The following LINGO2 variants were observed in gnomAD, a reference collection of about 807,000 sequenced individuals.
LINGO2 encodes the protein leucine-rich repeat and immunoglobulin-like domain-containing nogo receptor-interacting protein 2.
In LINGO2, 14 loss-of-function variants were observed where a neutral mutation model predicts 30.6. The observed-to-expected ratio is 0.46, with a 90% confidence interval of 0.30 to 0.72. LINGO2 has a LOEUF of 0.72. LINGO2 is among the 30% of genes least tolerant of loss of function. The pLI is 0.07. For missense variants in LINGO2, 729 were observed against 751.7 expected, an observed-to-expected ratio of 0.97 and a Z score of 0.35; for synonymous variants, 317 against 288.5, an observed-to-expected ratio of 1.10 and a Z score of -1.00.
chr9:28,093,021 T>C (rs1478378948), intron 4 of LINGO2, among the ~76,000 whole-genome samples: 1 of 152,046 alleles, frequency 6.6e-6, no homozygotes, highest in Non-Finnish European at 1.5e-5. Context: ...GTTACTTGTA[T>C]AGGGTCACAC....
Position 28,037,216 on chromosome 9 carries a change from C to T in LINGO2, c.-86-24811G>A, listed in dbSNP as rs573054357. Among the ~76,000 whole-genome samples, 29 of 152,278 alleles carry T rather than the reference C, an allele frequency of 1.9e-4. No individual in the cohort carries two copies. In the South Asian group the frequency reaches 2.9e-3, roughly 15 times the overall value. On this transcript the variant is annotated intron_variant, in intron 4 of 5. Transcript: ENST00000379992. ...TACGGAGACAACTCTGAATTGAACG[C>T]CTAGTTATACAAACAGTAGTTATGC...
chr9:28,458,297 C>A (rs1824934993), intron 2 of LINGO2, among the ~76,000 whole-genome samples: 1 of 152,112 alleles, frequency 6.6e-6, no homozygotes, highest in Admixed American at 6.6e-5. Flanking sequence ...TTCTTAAAGG[C>A]ACAAGCTCCT....
intron 1 of LINGO2, among the ~76,000 whole-genome samples, chr9:28,663,721 T>C (rs1225228703): frequency 2.0e-5 from 3 of 152,138 alleles, no homozygotes; most frequent in African/African-American, 7.2e-5. Flanking sequence ...AAAGAACACA[T>C]AAACCATTTA....
At chr9:28,799,672 T>C in the LINGO2 span, among the ~76,000 whole-genome samples, 1 of 152,116 alleles carries the variant, frequency 6.6e-6, no homozygotes, top group South Asian at 2.1e-4. Context: ...ATAAAGATGT[T>C]CTGCATTTAT....
chr9:28,491,130 T>A (rs1246886856), intron 1 of LINGO2, among the ~76,000 whole-genome samples: 1 of 152,214 alleles, frequency 6.6e-6, no homozygotes, highest in Non-Finnish European at 1.5e-5. Flanking sequence ...TGGGTGGCTT[T>A]AAACAGCACA....
chr9:29,188,779 G>A, the LINGO2 span, among the ~76,000 whole-genome samples: 7 of 146,438 alleles, frequency 4.8e-5, no homozygotes, highest in South Asian at 2.2e-4. Flanking sequence ...AGGGGCGGCC[G>A]GGCAGAGGCG....
At chr9:28,252,372 C>T (rs563375815) in intron 4 of LINGO2, among the ~76,000 whole-genome samples, 8 of 152,010 alleles carry the variant, frequency 5.3e-5, no homozygotes, top group South Asian at 2.1e-4. Flanking sequence ...ACTACAGGCA[C>T]GCATCACTAT....
chr9:29,191,828 C>T, the LINGO2 span, among the ~76,000 whole-genome samples: 14 of 152,146 alleles, frequency 9.2e-5, no homozygotes, highest in African/African-American at 2.9e-4. Context: ...ATTAGCAGTA[C>T]ATTATGATGA....
At chr9:28,482,344 T>G in intron 1 of LINGO2, among the ~76,000 whole-genome samples, 1 of 152,186 alleles carries the variant, frequency 6.6e-6, no homozygotes, top group Non-Finnish European at 1.5e-5. Flanking sequence ...TATCTCACTG[T>G]GGTTTTGATT....
At chr9:28,439,421 G>A (rs1277229174) in intron 2 of LINGO2, among the ~76,000 whole-genome samples, 1 of 152,036 alleles carries the variant, frequency 6.6e-6, no homozygotes, top group Admixed American at 6.6e-5. Flanking sequence ...CTGGGGTTTG[G>A]TATGGCCATG....
At chr9:28,014,837 GACT>G (rs1327666142) in intron 4 of LINGO2, among the ~76,000 whole-genome samples, 4 of 152,160 alleles carry the variant, frequency 2.6e-5, no homozygotes, top group East Asian at 3.9e-4. Flanking sequence ...CCAAAAAAGT[GACT>G]ACTACCTCAT....
intron 1 of LINGO2, among the ~76,000 whole-genome samples, chr9:28,593,293 C>T (rs1171036542): frequency 6.6e-6 from 1 of 151,990 alleles, no homozygotes; most frequent in Non-Finnish European, 1.5e-5. Context: ...AGAAACATGC[C>T]ATGCACATAA....
At chr9:28,815,028 A>C in the LINGO2 span, among the ~76,000 whole-genome samples, 1 of 151,826 alleles carries the variant, frequency 6.6e-6, no homozygotes, top group Non-Finnish European at 1.5e-5. Context: ...TAAAATTGAA[A>C]ACTAAAGAGG....
chr9:28,944,491 T>C, the LINGO2 span, among the ~76,000 whole-genome samples: 24,968 of 152,022 alleles, frequency 0.16, 2,089 homozygotes, highest in South Asian at 0.2. Context: ...TTGCAACCTC[T>C]GCCTCCCGGG....
intron 1 of LINGO2, among the ~76,000 whole-genome samples, chr9:28,543,297 T>C (rs1027202039): frequency 6.6e-6 from 1 of 152,140 alleles, no homozygotes; most frequent in Non-Finnish European, 1.5e-5. Flanking sequence ...ATTTCCTTTA[T>C]ACCTTAATGT....
chr9:29,018,541 A>G, the LINGO2 span, among the ~76,000 whole-genome samples: 15 of 152,136 alleles, frequency 9.9e-5, no homozygotes, highest in Non-Finnish European at 2.1e-4. Context: ...AACTCATTTA[A>G]TCCTCACAAT....
At chr9:29,095,744 A>T in the LINGO2 span, among the ~76,000 whole-genome samples, 1 of 138,924 alleles carries the variant, frequency 7.2e-6, no homozygotes, top group Non-Finnish European at 1.6e-5. Context: ...CATACAAATC[A>T]TGGGGATTCT....
intron 5 of LINGO2, among the ~76,000 whole-genome samples, chr9:27,988,867 C>A (rs372821109): frequency 6.6e-6 from 1 of 151,904 alleles, no homozygotes; most frequent in East Asian, 2.0e-4. Context: ...CACCCTCATC[C>A]AATTAATCAG....
intron 5 of LINGO2, among the ~76,000 whole-genome samples, chr9:27,999,136 C>T (rs959616801): frequency 2.0e-5 from 3 of 151,668 alleles, no homozygotes; most frequent in African/African-American, 4.8e-5. Flanking sequence ...GGGTCCTGGA[C>T]CTCATACTCC....
Sources: allele counts gnomAD v4.1 joint callset (sites outside exome capture counted in the v4.1 genomes callset), GRCh38; gene constraint gnomAD v4.1.1; transcripts MANE v1.5; gene names NCBI Gene and HGNC (gene_info 2026-07-23, HGNC 2026-07-21).